The following DDHD1 variants were observed in gnomAD, a reference collection of about 807,000 sequenced individuals.
The protein encoded by DDHD1 is DDHD domain containing 1, also known as phospholipase DDHD1.
Under a neutral mutation model 96.4 loss-of-function variants are expected in DDHD1, and 49 were observed. The observed-to-expected ratio is 0.51, with a 90% CI of 0.40 to 0.64. The LOEUF (loss-of-function observed/expected upper bound fraction) is 0.64. DDHD1 is among the 30% of genes least tolerant of loss of function. DDHD1 has a pLI of 0.00. For synonymous variants in DDHD1, 442 were observed against 446.5 expected (o/e 0.99, Z 0.13); for missense variants, 1,106 against 1,161.2 (o/e 0.95, Z 0.69).
chr14:53,086,363 G>A (rs973457732), intron 4 of DDHD1, among the ~76,000 whole-genome samples: 3 of 152,086 alleles, frequency 2.0e-5, no homozygotes, highest in African/African-American at 4.8e-5. Context: ...GATTCACCAA[G>A]GTTGAAATGA....
At chr14:53,055,632 T>C (rs371926093) in intron 10 of DDHD1, 28 bp downstream of exon 10, 242 of 1,607,014 alleles carry the variant, frequency 1.5e-4, no homozygotes, top group Non-Finnish European at 1.9e-4. Context: ...CTTATATGCA[T>C]AGATAAGGAA....
Position 53,131,432 on chromosome 14 carries a change from C to T in DDHD1, c.838+20829G>A, listed in dbSNP as rs111627386. Among the ~76,000 whole-genome samples the T allele has an allele frequency of 6.4e-3, 982 of 152,302 alleles. 16 individuals carry two copies. Among genetic ancestry groups the T allele is most frequent in the African/African-American group, 0.022 (915 of 41,570 alleles). ...GGGAATAAAGCCTGTCCAGGATCTTCGCCTTATTAATCAAATCATCCTTCC... is the reference window on the plus strand; with the variant it reads ...GGGAATAAAGCCTGTCCAGGATCTTTGCCTTATTAATCAAATCATCCTTCC... On this transcript the variant is annotated intron_variant, in intron 1 of 12. Coordinates refer to ENST00000673822, the MANE Select transcript of DDHD1 (RefSeq NM_001160148.2).
rs79575341 is a variant in DDHD1 at position 53,076,493 on chromosome 14, G to T, written c.1290-2646C>A. ...TGGTTTGAGATGGACTCTTGGTGAA[G>T]ATGTGAATATTGTTGAAATGGCAAC... On this transcript the variant is annotated intron_variant, in intron 4 of 12. Coordinates refer to ENST00000673822, the MANE Select transcript of DDHD1 (RefSeq NM_001160148.2). Among the ~76,000 whole-genome samples, 672 of 152,286 alleles carry T rather than the reference G, an allele frequency of 4.4e-3. 9 individuals are homozygous for T. The highest frequency in any genetic ancestry group is 0.015 in the African/African-American group (642 of 41,570).
At chr14:53,148,518 G>A (rs1891147338) in intron 1 of DDHD1, among the ~76,000 whole-genome samples, 1 of 151,772 alleles carries the variant, frequency 6.6e-6, no homozygotes, top group African/African-American at 2.4e-5. Context: ...TCACCATGTT[G>A]GCCAGGCTGG....
At chr14:53,105,336 T>C (rs1887606276) in intron 1 of DDHD1, among the ~76,000 whole-genome samples, 1 of 152,144 alleles carries the variant, frequency 6.6e-6, no homozygotes, top group Admixed American at 6.5e-5. Context: ...AGAAATATAC[T>C]AGATGATCTT....
At position 53,045,942 on chromosome 14, in the gene DDHD1, G is replaced by A. The variant is rs547027765; in HGVS notation, c.*826C>T. 2 of 152,212 alleles carry A rather than the reference G, an allele frequency of 1.3e-5. No individual in the cohort carries two copies. The highest frequency in any genetic ancestry group is 1.9e-4 in the East Asian group (1 of 5,178). The allele number at this position is 152,212 out of a possible 1,614,324, so 9.4% of individuals were successfully genotyped here. On this transcript the variant is annotated 3_prime_UTR_variant, in exon 13 of 13. Coordinates refer to ENST00000673822, the MANE Select transcript of DDHD1 (RefSeq NM_001160148.2). The stretch of plus-strand genomic sequence containing the variant: ...AAATGTACCCATTATGGAGTACTCC[G>A]TGTCAAGTTTAGAGAAACTTTAGCT...
intron 2 of DDHD1, among the ~76,000 whole-genome samples, chr14:53,098,612 A>C (rs1195462824): frequency 6.6e-6 from 1 of 152,078 alleles, no homozygotes; most frequent in Admixed American, 6.6e-5. Context: ...AATAACTAAA[A>C]GCTAGAAGGT....
chr14:53,138,444 C>A (rs4901347), intron 1 of DDHD1, among the ~76,000 whole-genome samples: 6 of 152,092 alleles, frequency 3.9e-5, no homozygotes, highest in African/African-American at 1.2e-4. Context: ...AGAAAAAAAG[C>A]AAAAAGATTG....
chr14:53,130,608 A>G (rs1889798178), intron 1 of DDHD1, among the ~76,000 whole-genome samples: 1 of 152,190 alleles, frequency 6.6e-6, no homozygotes, highest in African/African-American at 2.4e-5. Flanking sequence ...CAAGAACTTC[A>G]AAACGCCTGA....
intron 4 of DDHD1, among the ~76,000 whole-genome samples, chr14:53,079,208 T>C (rs1184696830): frequency 2.0e-5 from 3 of 152,194 alleles, no homozygotes; most frequent in East Asian, 3.8e-4. Flanking sequence ...GGGGTAATAC[T>C]GGCTTCATAG....
chr14:53,040,316 T>C lies in DDHD1; in HGVS notation c.*6452A>G, dbSNP rs894093812. The C allele has an allele frequency of 6.6e-6, 1 of 152,218 alleles. No homozygotes were observed. Among genetic ancestry groups the C allele is most frequent in the Non-Finnish European group, 1.5e-5 (1 of 68,034 alleles). 9.4% of individuals were successfully genotyped at this position (152,218 alleles called of 1,614,324 possible). A position where few individuals can be genotyped will look rare whatever the true frequency, so the allele number is the denominator to read the frequency against. The stretch of plus-strand genomic sequence containing the variant: ...AGGGAGTTGTGGCCACTAGCCTTCC[T>C]AGTAGAACGGAATGTGGCAGCCACA... On this transcript the variant is annotated 3_prime_UTR_variant, in exon 13 of 13. Transcript: ENST00000673822.
At chr14:53,133,052 T>C (rs1300929801) in intron 1 of DDHD1, among the ~76,000 whole-genome samples, 2 of 152,196 alleles carry the variant, frequency 1.3e-5, no homozygotes, top group East Asian at 3.8e-4. Flanking sequence ...ACCTCGTCCA[T>C]GAAGGTTACA....
intron 2 of DDHD1, among the ~76,000 whole-genome samples, chr14:53,095,298 A>G (rs1489384133): frequency 1.3e-5 from 2 of 152,184 alleles, no homozygotes; most frequent in African/African-American, 4.8e-5. Flanking sequence ...CAGAGGTACA[A>G]AGAGACAAAC....
At chr14:53,119,069 C>T (rs889122472) in intron 1 of DDHD1, among the ~76,000 whole-genome samples, 16 of 152,170 alleles carry the variant, frequency 1.1e-4, no homozygotes, top group East Asian at 9.7e-4. Context: ...AACTAAGCTT[C>T]GAAAGTGAAG....
chr14:53,062,076 T>C (rs76146853), intron 7 of DDHD1, among the ~76,000 whole-genome samples: 1 of 150,986 alleles, frequency 6.6e-6, no homozygotes, highest in Middle Eastern at 3.4e-3. Flanking sequence ...TTTTCCATGC[T>C]TTTTTTTTCT....
intron 4 of DDHD1, among the ~76,000 whole-genome samples, chr14:53,086,301 A>C (rs1885944463): frequency 1.3e-5 from 2 of 152,178 alleles, no homozygotes; most frequent in South Asian, 4.1e-4. Context: ...AATACAGAGA[A>C]CACCACAAAG....
rs147619669 is a variant in DDHD1 at position 53,126,616 on chromosome 14, C to T, written c.839-22760G>A. Among the ~76,000 whole-genome samples the T allele has an allele frequency of 1.7e-3, 253 of 152,322 alleles. 4 individuals carry two copies. Among genetic ancestry groups the T allele is most frequent in the Middle Eastern group, 0.01 (3 of 294 alleles). Reference sequence around the variant, plus strand: ...CTCCTGGGCTCAAGCAATCCATCCACCTTGGCCTCCCAAAGTGCTGGGATT... The same window carrying T: ...CTCCTGGGCTCAAGCAATCCATCCATCTTGGCCTCCCAAAGTGCTGGGATT... On this transcript the variant is annotated intron_variant, in intron 1 of 12. Transcript: ENST00000673822.
chr14:53,119,552 C>A (rs966560070), intron 1 of DDHD1, among the ~76,000 whole-genome samples: 1 of 152,174 alleles, frequency 6.6e-6, no homozygotes, highest in African/African-American at 2.4e-5. Flanking sequence ...TGAAAATCCT[C>A]AATAGAATAC....
At chr14:53,143,133 CAG>C (rs1890752801) in intron 1 of DDHD1, among the ~76,000 whole-genome samples, 1 of 152,152 alleles carries the variant, frequency 6.6e-6, no homozygotes, top group Non-Finnish European at 1.5e-5. Flanking sequence ...AACTAAGACA[CAG>C]GGAATTTCAG....
Sources: allele counts gnomAD v4.1 joint callset (sites outside exome capture counted in the v4.1 genomes callset), GRCh38; gene constraint gnomAD v4.1.1; transcripts MANE v1.5; gene names NCBI Gene and HGNC (gene_info 2026-07-23, HGNC 2026-07-21).